Variants in TRDMT1 observed in about 807,000 individuals in gnomAD.
TRDMT1 encodes the protein tRNA (cytosine(38)-C(5))-methyltransferase.
In TRDMT1, 49 loss-of-function variants were observed where a neutral mutation model predicts 51.2. The ratio of observed to expected loss-of-function variants is 0.96; its 90% confidence interval spans 0.76 to 1.21. TRDMT1 has a LOEUF of 1.21. TRDMT1 is among the 50% of genes most tolerant of loss of function. The pLI is 0.00. For missense variants in TRDMT1, 534 were observed against 462.3 expected (o/e 1.16, Z -1.42); for synonymous variants, 187 against 164.6 (o/e 1.14, Z -1.04).
Position 17,145,560 on chromosome 10 carries a change from T to C in TRDMT1, c.*3480A>G, listed in dbSNP as rs1448630494. The C allele has an allele frequency of 5.1e-5, 50 of 985,332 alleles. No individual in the cohort carries two copies. Among genetic ancestry groups the C allele is most frequent in the Non-Finnish European group, 6.0e-5 (50 of 829,944 alleles). 61.0% of individuals were successfully genotyped at this position (985,332 alleles called of 1,614,324 possible). Reference sequence around the variant, plus strand: ...CAAAGCTATTAGTAAGTCAGTGTCATAACTGGTGGCCTAAAACAGTTAGAA... The same window carrying C: ...CAAAGCTATTAGTAAGTCAGTGTCACAACTGGTGGCCTAAAACAGTTAGAA... On this transcript the variant is annotated 3_prime_UTR_variant, in exon 11 of 11. Transcript: ENST00000377799.
chr10:17,145,952 C>G lies in TRDMT1; in HGVS notation c.*3088G>C. On this transcript the variant is annotated 3_prime_UTR_variant, in exon 11 of 11. Transcript: ENST00000377799. ...AGTCTCCAGCTTAATCACTCTAGAC[C>G]TCAACTAGGTTGAGATGGGAGCAAA... 2 of 985,438 alleles carry G rather than the reference C, an allele frequency of 2.0e-6. No homozygotes were observed. The highest frequency in any genetic ancestry group is 1.1e-4 in the East Asian group (1 of 8,812). The allele number at this position is 985,438 out of a possible 1,614,324, so 61.0% of individuals were successfully genotyped here.
intron 1 of TRDMT1, among the ~76,000 whole-genome samples, chr10:17,178,228 G>A (rs1842851912): frequency 6.6e-6 from 1 of 152,272 alleles, no homozygotes; most frequent in Non-Finnish European, 1.5e-5. Context: ...TGAAAGATCA[G>A]TTGAATACAT....
Position 17,141,551 on chromosome 10 carries a change from G to A in TRDMT1, c.*7489C>T, listed in dbSNP as rs535049855. Among the ~76,000 whole-genome samples, 2 of 152,020 alleles carry A rather than the reference G, an allele frequency of 1.3e-5. No individual in the cohort carries two copies. The highest frequency in any genetic ancestry group is 3.9e-4 in the East Asian group (2 of 5,158). Reference sequence around the variant, plus strand: ...CTCCATTTTTTTCCCCTCTACTTCTGGCACCCCAAACATATAAATGTTGGT... The same window carrying A: ...CTCCATTTTTTTCCCCTCTACTTCTAGCACCCCAAACATATAAATGTTGGT... On this transcript the variant is annotated 3_prime_UTR_variant, in exon 11 of 11. Transcript: ENST00000377799.
chr10:17,201,467 C>CAGTGTCCGCCCCAT, intron 1 of TRDMT1, 104 bp downstream of exon 1: 1 of 1,270,520 alleles, frequency 7.9e-7, no homozygotes, highest in Non-Finnish European at 1.1e-6. Context: ...GTCCGCCCCA[C>CAGTGTCCGCCCCAT]AGTGTCCGCC....
At chr10:17,150,817 T>A (rs1838595783) in intron 10 of TRDMT1, 4 of 984,218 alleles carry the variant, frequency 4.1e-6, no homozygotes, top group Non-Finnish European at 4.8e-6. Context: ...AAAGATAATA[T>A]CTTAGGTAAG....
intron 1 of TRDMT1, among the ~76,000 whole-genome samples, chr10:17,184,997 T>G (rs1843703787): frequency 6.6e-6 from 1 of 152,178 alleles, no homozygotes; most frequent in Admixed American, 6.5e-5. Context: ...CTATTTCCAG[T>G]TGCGTGATTT....
In TRDMT1 at chr10:17,175,734, A is replaced by T. The variant is rs532387836; in HGVS notation, c.65-1074T>A. On this transcript the variant is annotated intron_variant, in intron 1 of 10. Coordinates refer to ENST00000377799, the MANE Select transcript of TRDMT1 (RefSeq NM_004412.7). ...ACTCATGCAGCAGGCACCCGGAAAT[A>T]AAAGCAGACCACAGGAGACAGGGCA... Among the ~76,000 whole-genome samples the T allele has an allele frequency of 1.6e-4, 25 of 152,194 alleles. 1 individual carries two copies. The Middle Eastern group carries it at 0.014, about 83-fold the overall frequency.
chr10:17,169,131 C>T (rs1015229222), intron 2 of TRDMT1, among the ~76,000 whole-genome samples: 2 of 152,158 alleles, frequency 1.3e-5, no homozygotes, highest in Admixed American at 1.3e-4. Flanking sequence ...AGTGACTTCC[C>T]CCAAGGTCCC....
At position 17,153,647 on chromosome 10, in the gene TRDMT1, A is replaced by C; in HGVS notation, c.946-11T>G. 3 of 1,554,336 alleles carry C rather than the reference A, an allele frequency of 1.9e-6. No homozygotes were observed. Among genetic ancestry groups the C allele is most frequent in the Non-Finnish European group, 2.6e-6 (3 of 1,152,852 alleles). ...GTAGATATTCTCAACCTGTAAGAAA[A>C]TACCCAAGATAACTAAAAAAGTAAT... On this transcript the variant is annotated splice_polypyrimidine_tract_variant and intron_variant, in intron 9 of 10. Transcript: ENST00000377799.
intron 1 of TRDMT1, among the ~76,000 whole-genome samples, chr10:17,198,740 T>C (rs1001900680): frequency 8.5e-5 from 13 of 152,222 alleles, no homozygotes; most frequent in Admixed American, 2.0e-4. Context: ...TTGCACAACA[T>C]TGTGAATGTA....
chr10:17,174,054 C>T (rs1424077158), intron 2 of TRDMT1, among the ~76,000 whole-genome samples: 1 of 152,104 alleles, frequency 6.6e-6, no homozygotes. Context: ...TCAGCCACCG[C>T]GCCCAGCCAA....
At chr10:17,169,574 G>A (rs939457117) in intron 2 of TRDMT1, 5 of 1,272,742 alleles carry the variant, frequency 3.9e-6, no homozygotes, top group Admixed American at 2.3e-5. Context: ...GGAAGCACAC[G>A]TCAGGGGTTT....
intron 1 of TRDMT1, among the ~76,000 whole-genome samples, chr10:17,179,262 G>A (rs1479796368): frequency 6.6e-6 from 1 of 152,000 alleles, no homozygotes; most frequent in Non-Finnish European, 1.5e-5. Context: ...CCACAACCTC[G>A]CACCAGCCCT....
In TRDMT1 at chr10:17,144,948, A is replaced by T. The variant is rs1471149609; in HGVS notation, c.*4092T>A. The T allele has an allele frequency of 3.0e-6, 3 of 985,230 alleles. No homozygotes were observed. Among genetic ancestry groups the T allele is most frequent in the African/African-American group, 1.7e-5 (1 of 57,212 alleles). 61.0% of individuals were successfully genotyped at this position (985,230 alleles called of 1,614,324 possible). Reference sequence around the variant, plus strand: ...TGTGCAAGATGCTTAATGCCTTTTTAAAAAACATGCAAAGGGAGGCTGGGC... The same window carrying T: ...TGTGCAAGATGCTTAATGCCTTTTTTAAAAACATGCAAAGGGAGGCTGGGC... On this transcript the variant is annotated 3_prime_UTR_variant, in exon 11 of 11. Transcript: ENST00000377799.
At chr10:17,157,262 C>G (rs1839652695) in intron 8 of TRDMT1, among the ~76,000 whole-genome samples, 179 bp downstream of exon 8, 1 of 152,082 alleles carries the variant, frequency 6.6e-6, no homozygotes, top group East Asian at 1.9e-4. Flanking sequence ...AATGTTCTGC[C>G]AAACGGAATT....
At chr10:17,200,840 T>C (rs1846059123) in intron 1 of TRDMT1, among the ~76,000 whole-genome samples, 1 of 152,134 alleles carries the variant, frequency 6.6e-6, no homozygotes, top group Non-Finnish European at 1.5e-5. Flanking sequence ...TAATGTATAA[T>C]ATTTGGAGTG....
Position 17,145,787 on chromosome 10 carries a change from C to A in TRDMT1, c.*3253G>T. Reference sequence around the variant, plus strand: ...AACCAGAGTGACTTTGGTTTGGATGCAGATGCAGCTGGCCTGCAGAATGCA... The same window carrying A: ...AACCAGAGTGACTTTGGTTTGGATGAAGATGCAGCTGGCCTGCAGAATGCA... On this transcript the variant is annotated 3_prime_UTR_variant, in exon 11 of 11. Transcript: ENST00000377799. The A allele has an allele frequency of 4.1e-6, 4 of 985,474 alleles. No individual in the cohort carries two copies. Among genetic ancestry groups the A allele is most frequent in the Non-Finnish European group, 4.8e-6 (4 of 829,938 alleles). 61.0% of individuals were successfully genotyped at this position (985,474 alleles called of 1,614,324 possible).
chr10:17,166,527 A>T (rs547292790), intron 3 of TRDMT1, among the ~76,000 whole-genome samples: 2 of 152,340 alleles, frequency 1.3e-5, no homozygotes, highest in Admixed American at 6.5e-5. Flanking sequence ...AATAATAAAA[A>T]AAAAGCATGC....
chr10:17,161,959 C>A (rs890617252), intron 4 of TRDMT1, among the ~76,000 whole-genome samples: 1 of 152,138 alleles, frequency 6.6e-6, no homozygotes, highest in African/African-American at 2.4e-5. Flanking sequence ...GCTGTGATTC[C>A]CTGTCACTCA....
Sources: gnomAD v4.1 joint callset for allele counts (sites outside exome capture counted in the v4.1 genomes callset) on GRCh38, gnomAD v4.1.1 for gene constraint, MANE v1.5 for transcripts, NCBI Gene and HGNC (gene_info 2026-07-23, HGNC 2026-07-21) for gene names.